Variants in SHC3 observed in about 807,000 individuals in gnomAD.
SHC3 encodes the protein SHC adaptor protein 3, also known as SHC-transforming protein 3.
In SHC3, 15 loss-of-function variants were observed where a neutral mutation model predicts 60.4. That is an observed-to-expected ratio of 0.25 (90% CI 0.17 to 0.38). SHC3 has a LOEUF of 0.38. Among genes scored for constraint, SHC3 ranks in the 10% least tolerant of loss-of-function variants. SHC3 has a pLI of 1.00. For missense variants in SHC3, 677 were observed against 786.1 expected (o/e 0.86, Z 1.66); for synonymous variants, 294 against 325.9 (o/e 0.90, Z 1.05).
intron 1 of SHC3, among the ~76,000 whole-genome samples, chr9:89,131,346 C>T (rs1447947997): frequency 6.6e-6 from 1 of 152,176 alleles, no homozygotes; most frequent in African/African-American, 2.4e-5. Flanking sequence ...AGAGCTGTTA[C>T]CATTCCTTCT....
intron 2 of SHC3, among the ~76,000 whole-genome samples, chr9:89,096,968 G>A (rs994403664): frequency 1.3e-5 from 2 of 152,162 alleles, no homozygotes; most frequent in African/African-American, 2.4e-5. Context: ...CCACGCAGGT[G>A]TTCAACTGCT....
intron 2 of SHC3, among the ~76,000 whole-genome samples, chr9:89,097,201 C>CT (rs1825717688): frequency 1.3e-5 from 2 of 151,446 alleles, no homozygotes; most frequent in South Asian, 4.2e-4. Context: ...GTACATCTCT[C>CT]TTAGCAGATA....
At chr9:89,072,198 A>G (rs897958522) in intron 4 of SHC3, among the ~76,000 whole-genome samples, 10 of 152,332 alleles carry the variant, frequency 6.6e-5, no homozygotes, top group Admixed American at 1.3e-4. Context: ...AATAGCCTCA[A>G]TAAAAGTCTG....
intron 6 of SHC3, among the ~76,000 whole-genome samples, chr9:89,058,145 A>T (rs1302835505): frequency 1.3e-5 from 2 of 152,262 alleles, no homozygotes; most frequent in Admixed American, 6.5e-5. Flanking sequence ...GTGACATTTT[A>T]TTATAACAGC....
chr9:89,020,831 G>T (rs923210340), intron 11 of SHC3, among the ~76,000 whole-genome samples: 10 of 152,186 alleles, frequency 6.6e-5, no homozygotes, highest in African/African-American at 2.4e-4. Context: ...ATGTCTGTTT[G>T]CAGGGTTGTG....
chr9:89,015,398 A>G (rs1424136556), intron 11 of SHC3, among the ~76,000 whole-genome samples: 7 of 152,234 alleles, frequency 4.6e-5, no homozygotes, highest in African/African-American at 1.7e-4. Context: ...AGGACCTTTT[A>G]GTAGCCACAG....
chr9:89,131,278 C>A (rs1229845556), intron 1 of SHC3, among the ~76,000 whole-genome samples: 1 of 152,038 alleles, frequency 6.6e-6, no homozygotes, highest in Non-Finnish European at 1.5e-5. Context: ...AGCCTACCAA[C>A]CAAAAAAAGT....
intron 1 of SHC3, among the ~76,000 whole-genome samples, chr9:89,124,112 G>A (rs1826129646): frequency 6.6e-6 from 1 of 151,932 alleles, no homozygotes; most frequent in African/African-American, 2.4e-5. Context: ...CTGGTCATCA[G>A]GGAAATGCAA....
chr9:89,172,155 T>A (rs1826878156), intron 1 of SHC3, among the ~76,000 whole-genome samples: 1 of 152,236 alleles, frequency 6.6e-6, no homozygotes, highest in Non-Finnish European at 1.5e-5. Flanking sequence ...GCCCCTGGTA[T>A]CTCACTGGGG....
chr9:89,146,728 A>T (rs1458775076), intron 1 of SHC3, among the ~76,000 whole-genome samples: 2 of 152,226 alleles, frequency 1.3e-5, no homozygotes, highest in Non-Finnish European at 2.9e-5. Flanking sequence ...AAACGTGTGC[A>T]TTAAAACTTA....
intron 11 of SHC3, among the ~76,000 whole-genome samples, chr9:89,018,239 C>A (rs574043052): frequency 6.6e-6 from 1 of 152,290 alleles, no homozygotes; most frequent in African/African-American, 2.4e-5. Flanking sequence ...TTGGAACCAA[C>A]CCAAATGCTC....
At chr9:89,107,304 C>A (rs1825877377) in intron 2 of SHC3, among the ~76,000 whole-genome samples, 1 of 152,206 alleles carries the variant, frequency 6.6e-6, no homozygotes. Context: ...AAGTATGTGG[C>A]CCCTTGCCCT....
At chr9:89,144,319 A>C (rs939686801) in intron 1 of SHC3, among the ~76,000 whole-genome samples, 1 of 152,236 alleles carries the variant, frequency 6.6e-6, no homozygotes, top group Non-Finnish European at 1.5e-5. Context: ...ATTAGAAAGA[A>C]CAAGTAAAAG....
At chr9:89,065,094 G>A (rs1367998960) in intron 6 of SHC3, among the ~76,000 whole-genome samples, 1 of 152,132 alleles carries the variant, frequency 6.6e-6, no homozygotes, top group Non-Finnish European at 1.5e-5. Context: ...AGCTGAAAGG[G>A]ATATAATCAG....
intron 2 of SHC3, among the ~76,000 whole-genome samples, chr9:89,096,743 A>G (rs987456497): frequency 1.3e-5 from 2 of 152,194 alleles, no homozygotes; most frequent in African/African-American, 4.8e-5. Context: ...GGTTGTTACA[A>G]TGTTAGGGGG....
chr9:89,119,289 T>C (rs1826058977), intron 1 of SHC3, among the ~76,000 whole-genome samples: 1 of 151,944 alleles, frequency 6.6e-6, no homozygotes, highest in Non-Finnish European at 1.5e-5. Context: ...TATGCACAGA[T>C]GAAAGGCAAA....
intron 11 of SHC3, among the ~76,000 whole-genome samples, chr9:89,020,660 A>T (rs1177068681): frequency 6.6e-6 from 1 of 152,198 alleles, no homozygotes; most frequent in Non-Finnish European, 1.5e-5. Flanking sequence ...CCTCATGTGC[A>T]GTAGGAGATG....
intron 1 of SHC3, among the ~76,000 whole-genome samples, chr9:89,139,466 T>C (rs1826362460): frequency 6.6e-6 from 1 of 152,214 alleles, no homozygotes. Context: ...TTGGCTTTTG[T>C]GAAACTCTGT....
chr9:89,139,831 G>A (rs1826367449), intron 1 of SHC3, among the ~76,000 whole-genome samples: 1 of 152,124 alleles, frequency 6.6e-6, no homozygotes, highest in African/African-American at 2.4e-5. Context: ...GCTGACTCTT[G>A]AGCCTAGCTA....
Sources: gnomAD v4.1 joint callset for allele counts (sites outside exome capture counted in the v4.1 genomes callset) on GRCh38, gnomAD v4.1.1 for gene constraint, MANE v1.5 for transcripts, NCBI Gene and HGNC (gene_info 2026-07-23, HGNC 2026-07-21) for gene names.